Variants in SCG5 observed in about 807,000 individuals in gnomAD.
SCG5 encodes secretogranin V.
Under a neutral mutation model 25.7 loss-of-function variants are expected in SCG5, and 18 were observed. The ratio of observed to expected loss-of-function variants is 0.70; its 90% CI spans 0.48 to 1.04. SCG5 has a LOEUF of 1.04. Ranked by LOEUF, SCG5 falls within the 50% of genes least tolerant of loss-of-function variation. The pLI, the probability that SCG5 is intolerant of heterozygous loss-of-function variation, is 0.00. For missense variants in SCG5, 206 were observed against 259.8 expected (o/e 0.79, Z 1.42); for synonymous variants, 101 against 91.7 (o/e 1.10, Z -0.58).
At chr15:32,663,051 ATATATATATATATATATAT>A (rs1212909846) in intron 2 of SCG5, among the ~76,000 whole-genome samples, 19 of 75,244 alleles carry the variant, frequency 2.5e-4, no homozygotes, top group Admixed American at 4.9e-4. Context: ...ATATATATAT[ATATATATATATATATATAT>A]ATATATATAA....
intron 2 of SCG5, among the ~76,000 whole-genome samples, chr15:32,655,779 G>A (rs1042599236): frequency 5.3e-5 from 8 of 152,158 alleles, no homozygotes; most frequent in Admixed American, 2.6e-4. Flanking sequence ...GAGCCACTGT[G>A]AGGAACAGGC....
chr15:32,659,442 C>T (rs2054180780), intron 2 of SCG5, among the ~76,000 whole-genome samples: 2 of 152,186 alleles, frequency 1.3e-5, no homozygotes, highest in South Asian at 4.1e-4. Context: ...GGAAAACTTT[C>T]CTGCTGGCTT....
chr15:32,667,549 C>G (rs181274736), intron 2 of SCG5, among the ~76,000 whole-genome samples: 3 of 152,374 alleles, frequency 2.0e-5, no homozygotes, highest in African/African-American at 7.2e-5. Context: ...TCATCACTGT[C>G]CACACAGCTT....
At chr15:32,672,049 C>T (rs2054435278) in intron 2 of SCG5, among the ~76,000 whole-genome samples, 2 of 152,242 alleles carry the variant, frequency 1.3e-5, no homozygotes, top group Admixed American at 1.3e-4. Flanking sequence ...GGCTCCCAGA[C>T]CGCTGACAAA....
intron 3 of SCG5, among the ~76,000 whole-genome samples, 183 bp downstream of exon 3, chr15:32,680,098 GAC>G (rs1388083079): frequency 6.6e-6 from 1 of 151,974 alleles, no homozygotes; most frequent in Non-Finnish European, 1.5e-5. Flanking sequence ...TCTGTGTTCA[GAC>G]ACACCCACAT....
intron 4 of SCG5, among the ~76,000 whole-genome samples, chr15:32,685,480 C>G (rs1361321545): frequency 1.3e-5 from 2 of 152,166 alleles, no homozygotes; most frequent in Non-Finnish European, 2.9e-5. Context: ...GTTAAAGAGT[C>G]CATGTAAATA....
At chr15:32,673,761 T>C (rs1246463522) in intron 2 of SCG5, among the ~76,000 whole-genome samples, 1 of 151,992 alleles carries the variant, frequency 6.6e-6, no homozygotes, top group Non-Finnish European at 1.5e-5. Flanking sequence ...TGAGACGGAG[T>C]CTCACTTTGC....
intron 2 of SCG5, among the ~76,000 whole-genome samples, chr15:32,667,018 A>G (rs1322388348): frequency 2.0e-5 from 3 of 152,234 alleles, no homozygotes; most frequent in Non-Finnish European, 2.9e-5. Flanking sequence ...TTTGGAAGAC[A>G]GTATGCAAAA....
intron 2 of SCG5, among the ~76,000 whole-genome samples, chr15:32,672,718 G>C (rs956939803): frequency 1.3e-5 from 2 of 152,150 alleles, no homozygotes; most frequent in Non-Finnish European, 2.9e-5. Context: ...GGCTCTCTCA[G>C]TGCCACTGTA....
chr15:32,648,468 G>T (rs1046256678), intron 2 of SCG5, among the ~76,000 whole-genome samples: 1 of 152,030 alleles, frequency 6.6e-6, no homozygotes, highest in African/African-American at 2.4e-5. Flanking sequence ...TGTCATCTCC[G>T]TAGTTACAAT....
intron 5 of SCG5, chr15:32,692,182 T>C: frequency 2.0e-6 from 2 of 1,017,196 alleles, no homozygotes; most frequent in Non-Finnish European, 2.3e-6. Flanking sequence ...CTGAACTGCA[T>C]GCTCCAGGAA....
chr15:32,675,685 T>C (rs1377524016), intron 2 of SCG5, among the ~76,000 whole-genome samples: 1 of 152,228 alleles, frequency 6.6e-6, no homozygotes, highest in African/African-American at 2.4e-5. Flanking sequence ...TTCCGTGGCC[T>C]AGATCTGGGC....
intron 2 of SCG5, among the ~76,000 whole-genome samples, chr15:32,662,626 G>T (rs922630440): frequency 6.6e-6 from 1 of 152,018 alleles, no homozygotes; most frequent in African/African-American, 2.4e-5. Context: ...AAGCTATTTA[G>T]CAGCAGTAGA....
chr15:32,679,205 CT>C (rs2054575876), intron 2 of SCG5, among the ~76,000 whole-genome samples: 1 of 131,062 alleles, frequency 7.6e-6, no homozygotes. Flanking sequence ...TTTTTTTTTT[CT>C]TTTTTTGAGA....
chr15:32,661,178 G>T (rs2054211412), intron 2 of SCG5, among the ~76,000 whole-genome samples: 1 of 152,192 alleles, frequency 6.6e-6, no homozygotes, highest in Non-Finnish European at 1.5e-5. Flanking sequence ...TGGAACAGAA[G>T]GGGCATAGAA....
chr15:32,676,824 A>C (rs1280972933), intron 2 of SCG5, among the ~76,000 whole-genome samples: 1 of 152,248 alleles, frequency 6.6e-6, no homozygotes. Flanking sequence ...CAACACAATT[A>C]AAATGAAACA....
chr15:32,692,850 G>A (rs1033501210), intron 5 of SCG5, among the ~76,000 whole-genome samples: 1 of 152,090 alleles, frequency 6.6e-6, no homozygotes, highest in South Asian at 2.1e-4. Context: ...ACAACAGAAG[G>A]TTCCAAGCCC....
At chr15:32,660,128 A>G (rs573168277) in intron 2 of SCG5, among the ~76,000 whole-genome samples, 3 of 152,284 alleles carry the variant, frequency 2.0e-5, no homozygotes, top group African/African-American at 7.2e-5. Context: ...GCAGTCGTCT[A>G]TCATTTAACT....
At chr15:32,651,669 G>C (rs567693950) in intron 2 of SCG5, among the ~76,000 whole-genome samples, 16 of 152,360 alleles carry the variant, frequency 1.1e-4, no homozygotes, top group African/African-American at 3.6e-4. Flanking sequence ...CTTTGGGGTT[G>C]CATTTTGTCC....
Sources: gnomAD v4.1 joint callset for allele counts (sites outside exome capture counted in the v4.1 genomes callset) on GRCh38, gnomAD v4.1.1 for gene constraint, MANE v1.5 for transcripts, NCBI Gene and HGNC (gene_info 2026-07-23, HGNC 2026-07-21) for gene names.